GNA14: variants seen among roughly 807,000 people sequenced by gnomAD.
The protein encoded by GNA14 is G protein subunit alpha 14.
A neutral mutation model predicts 42.0 loss-of-function variants in GNA14; 50 were observed. The ratio of observed to expected loss-of-function variants is 1.19; its 90% confidence interval spans 0.95 to 1.51. GNA14 has a LOEUF of 1.51. GNA14 is among the 40% of genes most tolerant of loss of function. The pLI, the probability that GNA14 is intolerant of heterozygous loss-of-function variation, is 0.00. For missense variants in GNA14, 473 were observed against 446.2 expected (o/e 1.06, Z -0.54); for synonymous variants, 173 against 163.1 (o/e 1.06, Z -0.46).
At chr9:77,458,353 T>G (rs1460379086) in intron 2 of GNA14, among the ~76,000 whole-genome samples, 1 of 152,160 alleles carries the variant, frequency 6.6e-6, no homozygotes, top group Admixed American at 6.5e-5. Context: ...GTGGAAGCAG[T>G]GGATGTTCTG....
chr9:77,577,818 A>G (rs1239086771), intron 1 of GNA14, among the ~76,000 whole-genome samples: 1 of 152,072 alleles, frequency 6.6e-6, no homozygotes, highest in Non-Finnish European at 1.5e-5. Context: ...CCCAGTAGTC[A>G]TGTTTTTTTT....
At chr9:77,641,113 GAA>G (rs1200139044) in intron 1 of GNA14, among the ~76,000 whole-genome samples, 11 of 12,060 alleles carry the variant, frequency 9.1e-4, no homozygotes, top group Non-Finnish European at 1.8e-3. Context: ...AGGAAGGAAG[GAA>G]GGAAGGAAGG....
At chr9:77,478,183 C>G (rs370622426) in intron 2 of GNA14, among the ~76,000 whole-genome samples, 1 of 151,724 alleles carries the variant, frequency 6.6e-6, no homozygotes. Flanking sequence ...CCTCCTCCCC[C>G]CACCCCACAA....
In GNA14 at chr9:77,464,480, A is replaced by T. The variant is rs74655669; in HGVS notation, c.310-29958T>A. On this transcript the variant is annotated intron_variant, in intron 2 of 6. Transcript: ENST00000341700. ...GTATTTCTTTTTAAGATGGGCTTCT[A>T]GCCACAAAGTCCATTTTTTTCTTTC... Among the ~76,000 whole-genome samples, 346 of 152,208 alleles carry T rather than the reference A, an allele frequency of 2.3e-3. 3 individuals carry two copies. The highest frequency in any genetic ancestry group is 7.9e-3 in the African/African-American group (327 of 41,530).
At position 77,647,885 on chromosome 9, in the gene GNA14, A is replaced by T; in HGVS notation, c.-92T>A. The T allele has an allele frequency of 6.9e-7, 1 of 1,456,892 alleles. No homozygotes were observed. Among genetic ancestry groups the T allele is most frequent in the Non-Finnish European group, 9.2e-7 (1 of 1,081,780 alleles). 90.2% of individuals were successfully genotyped at this position (1,456,892 alleles called of 1,614,324 possible). On this transcript the variant is annotated 5_prime_UTR_variant, in exon 1 of 7. Transcript: ENST00000341700. The stretch of plus-strand genomic sequence containing the variant: ...CTCACCCGGCCAGCATGCGACGGGC[A>T]CAGGGGTGTGGAAAGAAAAGACGGG...
chr9:77,454,511 TA>T (rs1156283734), intron 2 of GNA14, among the ~76,000 whole-genome samples: 1 of 151,914 alleles, frequency 6.6e-6, no homozygotes, highest in Non-Finnish European at 1.5e-5. Context: ...AGTTATCTGA[TA>T]ATAGTGGGGA....
intron 1 of GNA14, among the ~76,000 whole-genome samples, chr9:77,612,945 C>T (rs1423865818): frequency 6.6e-6 from 1 of 152,098 alleles, no homozygotes; most frequent in Non-Finnish European, 1.5e-5. Flanking sequence ...CAGCATTATT[C>T]GTAATAGCCA....
At chr9:77,641,083 AGGGGAGGGGAGGGG>A (rs1466277156) in intron 1 of GNA14, among the ~76,000 whole-genome samples, 2 of 26,978 alleles carry the variant, frequency 7.4e-5, no homozygotes, top group Admixed American at 4.7e-4. Flanking sequence ...AGGGGAGGGG[AGGGGAGGGGAGGGG>A]GGGGAAGGAA....
chr9:77,616,146 T>C (rs1025291436), intron 1 of GNA14, among the ~76,000 whole-genome samples: 8 of 152,208 alleles, frequency 5.3e-5, no homozygotes, highest in African/African-American at 1.9e-4. Flanking sequence ...TAGCACACAT[T>C]GTGCAGTATT....
intron 5 of GNA14, among the ~76,000 whole-genome samples, chr9:77,426,300 G>A (rs985363744): frequency 6.4e-5 from 9 of 140,480 alleles, no homozygotes; most frequent in Non-Finnish European, 1.2e-4. Flanking sequence ...CTGTTGTTCA[G>A]AACTTTTTTT....
intron 2 of GNA14, among the ~76,000 whole-genome samples, chr9:77,439,924 T>C (rs1324222207): frequency 1.3e-5 from 2 of 152,140 alleles, no homozygotes; most frequent in East Asian, 3.9e-4. Context: ...GGCCAGCATC[T>C]AAGTGGAGAT....
intron 2 of GNA14, among the ~76,000 whole-genome samples, chr9:77,465,214 C>A (rs757611007): frequency 3.3e-5 from 5 of 152,208 alleles, no homozygotes; most frequent in Non-Finnish European, 7.3e-5. Context: ...AATAAGACAA[C>A]CTCTGTCTCT....
chr9:77,611,619 C>T (rs1011464820), intron 1 of GNA14, among the ~76,000 whole-genome samples: 1 of 152,184 alleles, frequency 6.6e-6, no homozygotes, highest in Non-Finnish European at 1.5e-5. Context: ...GCAGAGAGTT[C>T]AGACAATAGC....
At position 77,425,824 on chromosome 9, in the gene GNA14, G is replaced by A. The variant is rs552365550; in HGVS notation, c.724-109C>T. Reference sequence around the variant, plus strand: ...CTTCCCTTGCCCCGCCGCAGTCTCTGGGCCACTGTCTGCTGAAGCTGGTGA... The same window carrying A: ...CTTCCCTTGCCCCGCCGCAGTCTCTAGGCCACTGTCTGCTGAAGCTGGTGA... On this transcript the variant is annotated intron_variant, in intron 5 of 6. Transcript: ENST00000341700. 4 of 833,096 alleles carry A rather than the reference G, an allele frequency of 4.8e-6. No homozygotes were observed. The East Asian group carries it at 8.0e-5, about 17-fold the overall frequency. 51.6% of individuals were successfully genotyped at this position (833,096 alleles called of 1,614,324 possible). A position where few individuals can be genotyped will look rare whatever the true frequency, so the allele number is the denominator to read the frequency against.
intron 1 of GNA14, among the ~76,000 whole-genome samples, chr9:77,629,876 A>T (rs1382623646): frequency 6.6e-6 from 1 of 152,056 alleles, no homozygotes; most frequent in African/African-American, 2.4e-5. Flanking sequence ...CTTAAAGTAT[A>T]AAAAAAAGAA....
intron 1 of GNA14, among the ~76,000 whole-genome samples, chr9:77,601,804 G>A (rs996254906): frequency 6.6e-6 from 1 of 152,158 alleles, no homozygotes; most frequent in Non-Finnish European, 1.5e-5. Context: ...TAGTTGGAAG[G>A]GTTTCATTCA....
intron 1 of GNA14, among the ~76,000 whole-genome samples, chr9:77,613,004 A>G (rs1823757702): frequency 6.6e-6 from 1 of 152,192 alleles, no homozygotes; most frequent in Non-Finnish European, 1.5e-5. Flanking sequence ...AGAAAATGTG[A>G]CATAAACACA....
In GNA14 at chr9:77,558,295, TAGAC is replaced by T. The variant is rs1003860335; in HGVS notation, c.125-29046_125-29043del. On this transcript the variant is annotated intron_variant, in intron 1 of 6. Transcript: ENST00000341700. ...AGAACAGATAGATCAGATAGATAGA[TAGAC>T]AGACAGACAGACAAATAGATAAGCA... is the stretch of plus-strand genomic sequence containing the variant. 5.7e-3 allele frequency among the ~76,000 whole-genome samples: 768 copies of T among 135,504 alleles called. 6 individuals are homozygous for T. The highest frequency in any genetic ancestry group is 0.02 in the African/African-American group (701 of 34,756). The allele number at this position is 135,504 out of a possible 152,430, so 88.9% of individuals were successfully genotyped here.
rs148069193 is a variant in GNA14, at chr9:77,610,642, C to T, written c.124+37028G>A. ...TTTTATTCCATAATATGCGTCTCTA[C>T]ACTCACAAACTTAAAGCTAAATAAG... On this transcript the variant is annotated intron_variant, in intron 1 of 6. Transcript: ENST00000341700. 3.1e-3 allele frequency among the ~76,000 whole-genome samples: 476 copies of T among 152,304 alleles called. 3 individuals carry two copies. Among genetic ancestry groups the T allele is most frequent in the African/African-American group, 0.01 (416 of 41,556 alleles).
Sources: gnomAD v4.1 joint callset for allele counts (sites outside exome capture counted in the v4.1 genomes callset) on GRCh38, gnomAD v4.1.1 for gene constraint, MANE v1.5 for transcripts, NCBI Gene and HGNC (gene_info 2026-07-23, HGNC 2026-07-21) for gene names.